Variants in FHDC1 observed in about 807,000 individuals in gnomAD.
FHDC1 encodes the protein FH2 domain-containing protein 1.
FHDC1 carries 25 observed loss-of-function variants against 52.6 expected under a neutral mutation model. The ratio of observed to expected loss-of-function variants is 0.48; its 90% CI spans 0.35 to 0.66. The LOEUF is 0.66. Among genes scored for constraint, FHDC1 ranks in the 30% least tolerant of loss-of-function variants. The pLI, the probability that FHDC1 is intolerant of heterozygous loss-of-function variation, is 0.01. For missense variants in FHDC1, 1,459 were observed against 1,452.8 expected, an observed-to-expected ratio of 1.00 and a Z score of -0.07; for synonymous variants, 616 against 581.5, an observed-to-expected ratio of 1.06 and a Z score of -0.85.
At chr4:152,973,346 C>A (rs774875625) in intron 11 of FHDC1, among the ~76,000 whole-genome samples, 1 of 152,234 alleles carries the variant, frequency 6.6e-6, no homozygotes, top group Non-Finnish European at 1.5e-5. Context: ...AGATTTCTCT[C>A]AAGCCCAGAA....
chr4:152,951,863 A>C (rs934854855), intron 2 of FHDC1, among the ~76,000 whole-genome samples: 1 of 152,328 alleles, frequency 6.6e-6, no homozygotes, highest in African/African-American at 2.4e-5. Flanking sequence ...TAACAGCCAA[A>C]AAAAGTTCTC....
rs148739777 is a variant in FHDC1, at chr4:152,940,752, A to G, written c.-130-2176A>G. Reference sequence around the variant, plus strand: ...AAATTGGAGGATTAACAGCTCTTCTATACATGAGATATTTTATGTACAGAA... The same window carrying G: ...AAATTGGAGGATTAACAGCTCTTCTGTACATGAGATATTTTATGTACAGAA... On this transcript the variant is annotated intron_variant, in intron 1 of 11. Coordinates refer to ENST00000511601, the MANE Select transcript of FHDC1 (RefSeq NM_001371116.1). 3.2e-4 allele frequency among the ~76,000 whole-genome samples: 48 copies of G among 152,368 alleles called. No homozygotes were observed. The East Asian group carries it at 8.7e-3, about 28-fold the overall frequency.
chr4:152,931,496 ACACACACACACG>A (rs763207939), upstream of FHDC1, among the ~76,000 whole-genome samples: 1 of 136,144 alleles, frequency 7.3e-6, no homozygotes. Context: ...ACACACACAC[ACACACACACACG>A]AAAAACAAAT....
chr4:152,944,214 C>T (rs1452601838), intron 2 of FHDC1, among the ~76,000 whole-genome samples: 1 of 152,226 alleles, frequency 6.6e-6, no homozygotes. Flanking sequence ...TATTAAATTA[C>T]AGGAAGTTAA....
chr4:152,976,805 T>C lies in FHDC1; in HGVS notation c.*82T>C, dbSNP rs1484406368. ...GACGAGGATGGGGAAAGAGGCAGCATGTCTTTGTTACAGATAAAGCAGCCA... is the reference window on the plus strand; with the variant it reads ...GACGAGGATGGGGAAAGAGGCAGCACGTCTTTGTTACAGATAAAGCAGCCA... On this transcript the variant is annotated 3_prime_UTR_variant, in exon 12 of 12. Coordinates refer to ENST00000511601, the MANE Select transcript of FHDC1 (RefSeq NM_001371116.1). The C allele has an allele frequency of 4.9e-6, 7 of 1,432,518 alleles. No homozygotes were observed. The highest frequency in any genetic ancestry group is 6.4e-6 in the Non-Finnish European group (7 of 1,088,108). The allele number at this position is 1,432,518 out of a possible 1,614,324, so 88.7% of individuals were successfully genotyped here. A position where few individuals can be genotyped will look rare whatever the true frequency, so the allele number is the denominator to read the frequency against.
chr4:152,938,275 G>T (rs1455591124), intron 1 of FHDC1, among the ~76,000 whole-genome samples: 2 of 150,670 alleles, frequency 1.3e-5, no homozygotes, highest in African/African-American at 4.9e-5. Flanking sequence ...CTCTGCTCTC[G>T]GGTGTTGGTC....
chr4:152,914,396 G>A, the FHDC1 span, among the ~76,000 whole-genome samples: 3 of 152,194 alleles, frequency 2.0e-5, no homozygotes, highest in African/African-American at 7.2e-5. Context: ...TGTATGTTAA[G>A]TGAGGACTGT....
the FHDC1 span, among the ~76,000 whole-genome samples, chr4:152,918,871 A>G: frequency 6.6e-6 from 1 of 152,356 alleles, no homozygotes; most frequent in African/African-American, 2.4e-5. Flanking sequence ...GTAAGTTTAA[A>G]TGGTCATGAG....
At chr4:152,933,033 G>A (rs956812348), upstream of FHDC1, among the ~76,000 whole-genome samples, 7 of 152,202 alleles carry the variant, frequency 4.6e-5, no homozygotes, top group African/African-American at 1.7e-4. Context: ...TCTTCTGCAG[G>A]GCCTGGTACC....
rs761761369 is a variant in FHDC1 at position 152,943,512 on chromosome 4, G to A, written c.455G>A (p.Arg152Lys). Residue 152 changes from arginine (R) to lysine (K), a missense_variant, in exon 2 of 12, where the codon AGA becomes AAA. Transcript: ENST00000511601. ...ACCACCAAGTCTTCCCTTCCTAGGAGAGGAAGAACTTTAAATTCATCCTTC... is the reference window on the plus strand; with the variant it reads ...ACCACCAAGTCTTCCCTTCCTAGGAAAGGAAGAACTTTAAATTCATCCTTC... The part of the protein sequence containing the change: ...EDTTKSSLPR[R>K]GRTLNSSFRE... The A allele has an allele frequency of 1.9e-6, 3 of 1,613,858 alleles. No individual in the cohort carries two copies. In the South Asian group the frequency reaches 3.3e-5, roughly 18 times the overall value.
chr4:152,961,357 C>T (rs139262724), intron 6 of FHDC1, among the ~76,000 whole-genome samples: 5 of 152,340 alleles, frequency 3.3e-5, no homozygotes, highest in Admixed American at 2.0e-4. Context: ...TCGTCTCCCA[C>T]TCCTCCATAC....
chr4:152,933,635 A>G (rs1448624236), upstream of FHDC1, among the ~76,000 whole-genome samples: 2 of 146,648 alleles, frequency 1.4e-5, no homozygotes, highest in African/African-American at 5.1e-5. Flanking sequence ...TGGGAGGCTG[A>G]GGCAGGAGAA....
the FHDC1 span, among the ~76,000 whole-genome samples, chr4:152,923,892 A>G: frequency 7.2e-5 from 11 of 152,202 alleles, no homozygotes; most frequent in Non-Finnish European, 1.3e-4. Flanking sequence ...TAGACCTAAA[A>G]CCATAAAAAC....
At chr4:152,942,779 G>GTAATGCTTTT (rs2149936761) in intron 1 of FHDC1, 149 bp from the exon 2 acceptor site, 1 of 383,682 alleles carries the variant, frequency 2.6e-6, no homozygotes, top group Admixed American at 4.1e-5. Flanking sequence ...GAAAAGCGTT[G>GTAATGCTTTT]GGTCCTTGTA....
intron 3 of FHDC1, 121 bp from the exon 4 acceptor site, chr4:152,954,096 A>G: frequency 1.3e-6 from 1 of 783,328 alleles, no homozygotes; most frequent in South Asian, 1.7e-5. Flanking sequence ...CAAAACTGCC[A>G]GCCAGTCTGG....
At chr4:152,960,471 A>AT (rs926211801) in intron 4 of FHDC1, 94 bp from the exon 5 acceptor site, 22 of 1,119,152 alleles carry the variant, frequency 2.0e-5, no homozygotes, top group South Asian at 8.7e-5. Context: ...CTAAAATCCT[A>AT]TTTTTTTAGA....
rs139275542 is a variant in FHDC1 at position 152,975,215 on chromosome 4, G to A, written c.1924G>A (p.Val642Ile). 2.2e-4 allele frequency: 359 copies of A among 1,613,304 alleles called. 1 individual carries two copies. The African/African-American group carries it at 4.2e-3, about 19-fold the overall frequency. ...CTTCCCCAGAGCTCGGCGCCAGGGC[G>A]TCAGTGTCCTCCGAAAGAGGTACAG... ...SAFPRARRQGVSVLRKRYSEP... is the reference protein window; with the variant it reads ...SAFPRARRQGISVLRKRYSEP... Residue 642 changes from valine to isoleucine, a missense_variant, in exon 12 of 12, where the codon GTC becomes ATC. By Grantham distance (29) the Val-to-Ile change is conservative. Transcript: ENST00000511601.
Position 152,976,883 on chromosome 4 carries a change from GGA to G in FHDC1, c.*161_*162del. ...GGATGGCACAGTCCAGGAGGCCTGT[GGA>G]CTGCAGCCTGCTGTGCTGAGCCCTG... On this transcript the variant is annotated 3_prime_UTR_variant, in exon 12 of 12. Coordinates refer to ENST00000511601, the MANE Select transcript of FHDC1 (RefSeq NM_001371116.1). The G allele has an allele frequency of 1.1e-6, 1 of 919,090 alleles. No individual in the cohort carries two copies. 56.9% of individuals were successfully genotyped at this position (919,090 alleles called of 1,614,324 possible).
the FHDC1 span, among the ~76,000 whole-genome samples, chr4:152,918,191 C>T: frequency 2.6e-5 from 4 of 152,044 alleles, no homozygotes; most frequent in African/African-American, 9.7e-5. Context: ...TCTTTTTTCC[C>T]CAAACACAAG....
Sources: gnomAD v4.1 joint callset for allele counts (sites outside exome capture counted in the v4.1 genomes callset) on GRCh38, gnomAD v4.1.1 for gene constraint, MANE v1.5 for transcripts, NCBI Gene and HGNC (gene_info 2026-07-23, HGNC 2026-07-21) for gene names.